The following ADCY7 variants were observed in gnomAD, a reference collection of about 807,000 sequenced individuals.
ADCY7 encodes the protein adenylate cyclase type 7.
ADCY7 carries 72 observed loss-of-function variants against 120.6 expected under a neutral mutation model. The observed-to-expected ratio is 0.60, with a 90% CI of 0.49 to 0.73. ADCY7 has a LOEUF of 0.73. ADCY7 is among the 30% of genes least tolerant of loss of function. The pLI is 0.00. For synonymous variants in ADCY7, 661 were observed against 628.0 expected, an observed-to-expected ratio of 1.05 and a Z score of -0.78; for missense variants, 1,227 against 1,486.0, an observed-to-expected ratio of 0.83 and a Z score of 2.87.
intron 7 of ADCY7, among the ~76,000 whole-genome samples, chr16:50,295,741 G>T (rs2035312492): frequency 6.6e-6 from 1 of 152,120 alleles, no homozygotes; most frequent in Non-Finnish European, 1.5e-5. Context: ...CAGGGAGGGG[G>T]TAAGGCAAGC....
At chr16:50,258,684 C>A (rs755076334) in intron 1 of ADCY7, among the ~76,000 whole-genome samples, 11 of 151,826 alleles carry the variant, frequency 7.2e-5, no homozygotes, top group Non-Finnish European at 1.5e-4. Flanking sequence ...GCCTTGACCT[C>A]CAGGCTCAAG....
chr16:50,295,672 G>A (rs1299449466), intron 7 of ADCY7, among the ~76,000 whole-genome samples: 1 of 152,100 alleles, frequency 6.6e-6, no homozygotes, highest in Non-Finnish European at 1.5e-5. Flanking sequence ...GGTCTGACAT[G>A]CAAGGACATG....
chr16:50,253,799 GGGTGGAGGCGGT>G (rs2032830434), intron 1 of ADCY7, among the ~76,000 whole-genome samples: 2 of 152,228 alleles, frequency 1.3e-5, no homozygotes, highest in South Asian at 4.1e-4. Flanking sequence ...GTTGAGGTGG[GGGTGGAGGCGGT>G]GGTGTCTGCT....
At chr16:50,300,347 C>T (rs572966000) in intron 8 of ADCY7, among the ~76,000 whole-genome samples, 1 of 149,900 alleles carries the variant, frequency 6.7e-6, no homozygotes, top group African/African-American at 2.4e-5. Flanking sequence ...GCTGGGATTA[C>T]AGGCATGAGC....
chr16:50,288,401 A>C lies in ADCY7; in HGVS notation c.171+51A>C, dbSNP rs763780785. The C allele has an allele frequency of 9.5e-6, 14 of 1,469,842 alleles. 1 individual carries two copies. The South Asian group carries it at 1.6e-4, about 17-fold the overall frequency. The allele number at this position is 1,469,842 out of a possible 1,614,324, so 91.0% of individuals were successfully genotyped here. On this transcript the variant is annotated intron_variant, in intron 2 of 25. Transcript: ENST00000673801. Reference sequence around the variant, plus strand: ...CACGTCTCGGCCCCAACCTTGGCCAAGCTGCTATCTTCTCTTAGCCTCTTC... The same window carrying C: ...CACGTCTCGGCCCCAACCTTGGCCACGCTGCTATCTTCTCTTAGCCTCTTC...
rs543668070 is a variant in ADCY7 at position 50,308,894 on chromosome 16, C to T, written c.2061+102C>T. Reference sequence around the variant, plus strand: ...TAAAAGCTGCCTCTGGTTGTCCTCTCCCCCGAGCTCAGCAGGTGGATGTGG... The same window carrying T: ...TAAAAGCTGCCTCTGGTTGTCCTCTTCCCCGAGCTCAGCAGGTGGATGTGG... On this transcript the variant is annotated intron_variant, in intron 17 of 25. Coordinates refer to ENST00000673801, the MANE Select transcript of ADCY7 (RefSeq NM_001114.5). The T allele has an allele frequency of 4.1e-5, 58 of 1,407,530 alleles. No homozygotes were observed. The East Asian group carries it at 1.4e-3, about 34-fold the overall frequency. The allele number at this position is 1,407,530 out of a possible 1,614,324, so 87.2% of individuals were successfully genotyped here.
At chr16:50,301,432 G>A (rs970374183) in intron 10 of ADCY7, among the ~76,000 whole-genome samples, 3 of 152,202 alleles carry the variant, frequency 2.0e-5, no homozygotes, top group Non-Finnish European at 4.4e-5. Flanking sequence ...GGAAAACAGC[G>A]CCTGCCTCAC....
chr16:50,304,217 G>C, intron 10 of ADCY7, 143 bp from the exon 11 acceptor site: 1 of 880,668 alleles, frequency 1.1e-6, no homozygotes, highest in South Asian at 2.9e-5. Context: ...GGGGACTGCG[G>C]GTTGAGCAAC....
rs1448736213 is a variant in ADCY7, at chr16:50,252,475, G to A, written c.-64+6272G>A. Among the ~76,000 whole-genome samples, 14 of 152,260 alleles carry A rather than the reference G, an allele frequency of 9.2e-5. No individual in the cohort carries two copies. The East Asian group carries it at 1.5e-3, about 17-fold the overall frequency. ...TTGTGTGCCTGGGCAGGCATTGTTT[G>A]TGTGCCTGGGTAGGCATTGTTTGTG... On this transcript the variant is annotated intron_variant, in intron 1 of 4. Transcript: ENST00000564044.
chr16:50,295,699 C>A (rs1335982933), intron 7 of ADCY7, among the ~76,000 whole-genome samples: 1 of 152,000 alleles, frequency 6.6e-6, no homozygotes, highest in Admixed American at 6.6e-5. Flanking sequence ...GAGGCGAGGA[C>A]CAGGATGCTG....
At chr16:50,300,495 C>T (rs556224663) in intron 8 of ADCY7, among the ~76,000 whole-genome samples, 2 of 152,230 alleles carry the variant, frequency 1.3e-5, no homozygotes, top group Non-Finnish European at 2.9e-5. Context: ...CCTACCTAGT[C>T]CTTGAGGTCA....
Position 50,310,682 on chromosome 16 carries a change from C to G in ADCY7, c.2161-5C>G. On this transcript the variant is annotated splice_region_variant and splice_polypyrimidine_tract_variant and intron_variant, in intron 18 of 25. Coordinates refer to ENST00000673801, the MANE Select transcript of ADCY7 (RefSeq NM_001114.5). ...CCTGTCCTGAGTGACACCCTGCCCC[C>G]TCAGTACTACACCTGCAGCTGTGTC... 6.2e-7 allele frequency: 1 copy of G among 1,613,350 alleles called. No homozygotes were observed. Among genetic ancestry groups the G allele is most frequent in the South Asian group, 1.1e-5 (1 of 91,014 alleles).
intron 7 of ADCY7, among the ~76,000 whole-genome samples, chr16:50,296,955 G>C (rs553542494): frequency 3.3e-5 from 5 of 152,342 alleles, no homozygotes; most frequent in African/African-American, 1.2e-4. Context: ...TGAACCAGCA[G>C]CTGGGAGCCC....
chr16:50,304,880 A>G (rs759443607), intron 11 of ADCY7, 45 bp from the exon 12 acceptor site: 1 of 1,613,154 alleles, frequency 6.2e-7, no homozygotes, highest in African/African-American at 1.3e-5. Context: ...TTCAGGGCCC[A>G]GTGTTCTGGG....
chr16:50,298,847 C>T (rs373262897), intron 7 of ADCY7, 57 bp from the exon 8 acceptor site: 76 of 1,572,710 alleles, frequency 4.8e-5, no homozygotes, highest in Non-Finnish European at 6.1e-5. Context: ...AGGCGGCTGT[C>T]GTGAGAGGTC....
chr16:50,312,217 G>T, intron 21 of ADCY7, 26 bp downstream of exon 21: 1 of 1,612,872 alleles, frequency 6.2e-7, no homozygotes, highest in South Asian at 1.1e-5. Context: ...GCTGGGGCGG[G>T]GGCAGGGAGG....
rs200976405 is a variant in ADCY7 at position 50,314,287 on chromosome 16, C to T, written c.2857-5C>T. On this transcript the variant is annotated splice_polypyrimidine_tract_variant and splice_region_variant and intron_variant, in intron 23 of 25. Coordinates refer to ENST00000673801, the MANE Select transcript of ADCY7 (RefSeq NM_001114.5). ...CAAGGATCTGACCCACAGCCTGTCC[C>T]GCAGGAGCTGGAGCGGCAGCATGCC... 2.1e-5 allele frequency: 34 copies of T among 1,613,248 alleles called. No homozygotes were observed. The highest frequency in any genetic ancestry group is 8.9e-5 in the East Asian group (4 of 44,872).
Position 50,314,352 on chromosome 16 carries a change from A to G in ADCY7, c.2917A>G (p.Ser973Gly), listed in dbSNP as rs145953522. 3 of 1,614,050 alleles carry G rather than the reference A, an allele frequency of 1.9e-6. No individual in the cohort carries two copies. The African/African-American group carries it at 4.0e-5, about 22-fold the overall frequency. The part of the protein sequence containing the change: ...VMVEFSIALM[S>G]KLDGINRHSF... Reference sequence around the variant, plus strand: ...GGTGGAGTTCAGCATCGCCCTGATGAGTAAGCTGGACGGCATCAACAGGCA... The same window carrying G: ...GGTGGAGTTCAGCATCGCCCTGATGGGTAAGCTGGACGGCATCAACAGGCA... Residue 973 changes from serine to glycine, a missense_variant, in exon 24 of 26, where the codon AGT (serine) becomes GGT (glycine). Around this residue, in one of 5 missense-constraint regions of ADCY7, gnomAD observed 244 missense variants for 332.8 expected, o/e 0.73. Transcript: ENST00000673801.
Position 50,298,948 on chromosome 16 carries a change from C to T in ADCY7, c.993C>T (p.Tyr331=), listed in dbSNP as rs781620911. The change falls in exon 8 of 26, where the codon TAC becomes TAT. Residue 331 remains tyrosine (Y), a synonymous_variant. Coordinates refer to ENST00000673801, the MANE Select transcript of ADCY7 (RefSeq NM_001114.5). ...TCAAGATCCTCGGCGACTGCTACTA[C>T]TGTGTATCGGGCCTGCCCGTGTCGC... ...MRIKILGDCY[Y]CVSGLPVSLP... 2.5e-6 allele frequency: 4 copies of T among 1,613,972 alleles called. No homozygotes were observed. The highest frequency in any genetic ancestry group is 2.2e-5 in the East Asian group (1 of 44,868).
Sources: allele counts gnomAD v4.1 joint callset (sites outside exome capture counted in the v4.1 genomes callset), GRCh38; gene constraint gnomAD v4.1.1; regional missense constraint gnomAD v4.1.1; transcripts MANE v1.5; gene names NCBI Gene and HGNC (gene_info 2026-07-23, HGNC 2026-07-21).